Variants in FNBP1 observed in about 807,000 individuals in gnomAD.
FNBP1 encodes the protein formin-binding protein 1.
Under a neutral mutation model 90.6 loss-of-function variants are expected in FNBP1, and 26 were observed. That is an observed-to-expected ratio of 0.29 (90% CI 0.21 to 0.40). FNBP1 has a LOEUF of 0.40. Ranked by LOEUF, FNBP1 falls within the 10% of genes least tolerant of loss-of-function variation. FNBP1 has a pLI of 1.00. For synonymous variants in FNBP1, 260 were observed against 265.2 expected (o/e 0.98, Z 0.19); for missense variants, 635 against 768.0 (o/e 0.83, Z 2.05).
intron 1 of FNBP1, 25 bp from the exon 2 acceptor site, chr9:129,994,983 G>A (rs781160213): frequency 1.4e-5 from 15 of 1,063,398 alleles, no homozygotes; most frequent in African/African-American, 1.4e-4. Context: ...CAAGAGAGAA[G>A]TTATGGTCTT....
intron 1 of FNBP1, among the ~76,000 whole-genome samples, chr9:130,012,917 G>A (rs1312314874): frequency 1.3e-5 from 2 of 152,106 alleles, no homozygotes; most frequent in African/African-American, 4.8e-5. Flanking sequence ...GGGAGTAGAG[G>A]CGTGAGCCAC....
chr9:130,013,026 G>T (rs1295636271), intron 1 of FNBP1, among the ~76,000 whole-genome samples: 1 of 152,176 alleles, frequency 6.6e-6, no homozygotes, highest in Non-Finnish European at 1.5e-5. Flanking sequence ...TTCCGTTCAC[G>T]AAAAGATAGC....
chr9:129,916,542 G>A (rs1258195121), intron 10 of FNBP1, among the ~76,000 whole-genome samples: 1 of 151,726 alleles, frequency 6.6e-6, no homozygotes, highest in Non-Finnish European at 1.5e-5. Context: ...GCTTGAACCT[G>A]GGAGACGGAG....
intron 2 of FNBP1, among the ~76,000 whole-genome samples, chr9:129,991,787 G>C (rs937158345): frequency 1.1e-4 from 17 of 151,614 alleles, no homozygotes; most frequent in Admixed American, 9.2e-4. Flanking sequence ...AGCCTCCCAA[G>C]TAGCTGGGAC....
rs947484701 is a variant in FNBP1 at position 129,888,750 on chromosome 9, A to C, written c.*1789T>G. 4.3e-6 allele frequency: 1 copy of C among 233,046 alleles called. No individual in the cohort carries two copies. Among genetic ancestry groups the C allele is most frequent in the African/African-American group, 2.2e-5 (1 of 45,338 alleles). 14.4% of individuals were successfully genotyped at this position (233,046 alleles called of 1,614,324 possible). ...CGAGGGCTGACTGAGCTGCTCCGGA[A>C]GGGTGGTGTGTGGTCAACCTTGGTT... On this transcript the variant is annotated 3_prime_UTR_variant, in exon 17 of 17. Transcript: ENST00000446176.
At chr9:129,916,474 G>A (rs1464508229) in intron 10 of FNBP1, among the ~76,000 whole-genome samples, 8 of 151,984 alleles carry the variant, frequency 5.3e-5, no homozygotes, top group Admixed American at 3.9e-4. Context: ...AGTATTAGCC[G>A]GGTGTGGTGG....
rs375247488 is a variant in FNBP1, at chr9:130,033,475, A to G, written c.24+9477T>C. On this transcript the variant is annotated intron_variant, in intron 1 of 16. Coordinates refer to ENST00000446176, the MANE Select transcript of FNBP1 (RefSeq NM_015033.3). ...GGAGGAGATTCCTTTACAGGTCCCA[A>G]GTTTTCTTCTGCTATAGATAATAGA... is the stretch of plus-strand genomic sequence containing the variant. Among the ~76,000 whole-genome samples, 23 of 152,308 alleles carry G rather than the reference A, an allele frequency of 1.5e-4. No homozygotes were observed. The East Asian group carries it at 4.0e-3, about 27-fold the overall frequency.
chr9:129,895,365 T>A, intron 16 of FNBP1: 1 of 1,075,132 alleles, frequency 9.3e-7, no homozygotes, highest in Non-Finnish European at 1.1e-6. Flanking sequence ...TTTAACAAAC[T>A]AACACAGTTC....
chr9:129,954,885 T>A (rs948242337), intron 6 of FNBP1, among the ~76,000 whole-genome samples: 1 of 151,938 alleles, frequency 6.6e-6, no homozygotes, highest in African/African-American at 2.4e-5. Flanking sequence ...TCCCAGCAAT[T>A]TGGGAGGCTG....
intron 2 of FNBP1, among the ~76,000 whole-genome samples, chr9:129,990,349 G>T (rs1446008203): frequency 6.6e-6 from 1 of 152,176 alleles, no homozygotes; most frequent in Non-Finnish European, 1.5e-5. Flanking sequence ...AAGGGACGAG[G>T]TGGGCCTCAC....
At chr9:130,005,294 T>C (rs2055505318) in intron 1 of FNBP1, among the ~76,000 whole-genome samples, 2 of 151,406 alleles carry the variant, frequency 1.3e-5, no homozygotes, top group African/African-American at 2.4e-5. Context: ...AATTAACTTC[T>C]CGAGCTTTTA....
intron 4 of FNBP1, among the ~76,000 whole-genome samples, chr9:129,974,198 G>A (rs904680646): frequency 2.0e-5 from 3 of 151,608 alleles, no homozygotes; most frequent in African/African-American, 4.8e-5. Flanking sequence ...AAGGTATGTC[G>A]AAAAAAACTC....
At position 129,888,965 on chromosome 9, in the gene FNBP1, CG is replaced by C. The variant is rs1438615541; in HGVS notation, c.*1573del. The C allele has an allele frequency of 6.1e-5, 14 of 228,100 alleles. No homozygotes were observed. Among genetic ancestry groups the C allele is most frequent in the Middle Eastern group, 1.3e-3 (1 of 778 alleles). The allele number at this position is 228,100 out of a possible 1,614,324, so 14.1% of individuals were successfully genotyped here. A position where few individuals can be genotyped will look rare whatever the true frequency, so the allele number is the denominator to read the frequency against. ...AAGCCAAGCAAAGAATAAAGCTGCCCGACGTCATCCCCAGGCTTCCGTGGCG... is the reference window on the plus strand; with the variant it reads ...AAGCCAAGCAAAGAATAAAGCTGCCCACGTCATCCCCAGGCTTCCGTGGCG... On this transcript the variant is annotated 3_prime_UTR_variant, in exon 17 of 17. Transcript: ENST00000446176.
chr9:129,997,463 A>T (rs1465111616), intron 1 of FNBP1, among the ~76,000 whole-genome samples: 1 of 152,228 alleles, frequency 6.6e-6, no homozygotes, highest in Non-Finnish European at 1.5e-5. Context: ...AGTTTAAGAA[A>T]CACTAGATTA....
At chr9:129,934,902 C>T (rs1224384719) in intron 6 of FNBP1, among the ~76,000 whole-genome samples, 3 of 152,014 alleles carry the variant, frequency 2.0e-5, no homozygotes, top group East Asian at 3.9e-4. Flanking sequence ...TAATTCTTAA[C>T]ATAGTCCATT....
At chr9:129,934,792 G>A (rs1348981358) in intron 6 of FNBP1, among the ~76,000 whole-genome samples, 2 of 151,800 alleles carry the variant, frequency 1.3e-5, no homozygotes, top group African/African-American at 4.8e-5. Context: ...GGCTGGTCTC[G>A]AACTCCTGAC....
intron 1 of FNBP1, among the ~76,000 whole-genome samples, chr9:130,036,932 C>G (rs919952005): frequency 2.6e-5 from 4 of 151,902 alleles, no homozygotes; most frequent in Non-Finnish European, 4.4e-5. Context: ...GTAGTCCCAG[C>G]TACTCGGGAG....
intron 10 of FNBP1, 40 bp from the exon 11 acceptor site, chr9:129,916,020 GAA>G (rs745400015): frequency 1.4e-6 from 2 of 1,462,352 alleles, no homozygotes; most frequent in Non-Finnish European, 1.9e-6. Flanking sequence ...AAAATAGAGA[GAA>G]AGAGAGAGAG....
At chr9:129,903,906 A>G (rs2131393200) in intron 12 of FNBP1, among the ~76,000 whole-genome samples, 1 of 152,278 alleles carries the variant, frequency 6.6e-6, no homozygotes, top group East Asian at 1.9e-4. Context: ...GCGTGATGGC[A>G]TGTCCCCTTA....
Sources: allele counts gnomAD v4.1 joint callset (sites outside exome capture counted in the v4.1 genomes callset), GRCh38; gene constraint gnomAD v4.1.1; transcripts MANE v1.5; gene names NCBI Gene and HGNC (gene_info 2026-07-23, HGNC 2026-07-21).